ARHGAP31: variants seen among roughly 807,000 people sequenced by gnomAD.
The protein encoded by ARHGAP31 is rho GTPase-activating protein 31.
ARHGAP31 carries 34 observed loss-of-function variants against 113.9 expected under a neutral mutation model. The ratio of observed to expected loss-of-function variants is 0.30; its 90% CI spans 0.23 to 0.40. The LOEUF (loss-of-function observed/expected upper bound fraction) is 0.40, where lower values mean the gene tolerates loss of function less well. Ranked by LOEUF, ARHGAP31 falls within the 10% of genes least tolerant of loss-of-function variation. ARHGAP31 has a pLI of 1.00. For synonymous variants in ARHGAP31, 650 were observed against 684.8 expected (o/e 0.95, Z 0.79); for missense variants, 1,548 against 1,767.1 (o/e 0.88, Z 2.22).
At chr3:119,324,478 A>T (rs769775988) in intron 1 of ARHGAP31, among the ~76,000 whole-genome samples, 5 of 152,220 alleles carry the variant, frequency 3.3e-5, no homozygotes, top group Non-Finnish European at 7.3e-5. Flanking sequence ...TCAGAAAAAT[A>T]AAAAATTAGC....
intron 1 of ARHGAP31, chr3:119,314,307 A>G (rs2079710143): frequency 6.6e-6 from 1 of 152,158 alleles, no homozygotes; most frequent in African/African-American, 2.4e-5. Context: ...TCCTCCAGAG[A>G]AAAAGTTAGG....
At chr3:119,337,301 G>A (rs1025992223) in intron 1 of ARHGAP31, among the ~76,000 whole-genome samples, 3 of 152,106 alleles carry the variant, frequency 2.0e-5, no homozygotes, top group East Asian at 1.9e-4. Flanking sequence ...AGACCTTTGC[G>A]TTGAGTGTTA....
intron 10 of ARHGAP31, among the ~76,000 whole-genome samples, chr3:119,407,705 T>G (rs919269182): frequency 4.6e-5 from 7 of 152,144 alleles, no homozygotes; most frequent in Admixed American, 2.0e-4. Context: ...GAAAGAGGTG[T>G]TGTTAGGTTT....
chr3:119,388,841 T>C (rs1189885935), intron 6 of ARHGAP31, among the ~76,000 whole-genome samples: 1 of 152,006 alleles, frequency 6.6e-6, no homozygotes, highest in Non-Finnish European at 1.5e-5. Context: ...GCAAGCTCTG[T>C]TACAAAATGT....
chr3:119,394,538 T>C (rs1181551918), intron 8 of ARHGAP31, among the ~76,000 whole-genome samples: 1 of 152,092 alleles, frequency 6.6e-6, no homozygotes, highest in Admixed American at 6.5e-5. Context: ...TGATCTTTAG[T>C]GTTATAGATT....
At chr3:119,338,126 A>C (rs1314791393) in intron 1 of ARHGAP31, among the ~76,000 whole-genome samples, 1 of 152,182 alleles carries the variant, frequency 6.6e-6, no homozygotes, top group African/African-American at 2.4e-5. Flanking sequence ...TTTATCCTTT[A>C]ATAAACATGG....
At chr3:119,303,929 G>A (rs989362279) in intron 1 of ARHGAP31, among the ~76,000 whole-genome samples, 14 of 151,702 alleles carry the variant, frequency 9.2e-5, no homozygotes, top group African/African-American at 3.4e-4. Flanking sequence ...CAAGTAACTG[G>A]GATTACAGGC....
At chr3:119,365,256 T>C (rs2080243648) in intron 1 of ARHGAP31, 60 bp from the exon 2 acceptor site, 2 of 1,428,534 alleles carry the variant, frequency 1.4e-6, no homozygotes, top group African/African-American at 2.8e-5. Flanking sequence ...AAGGATATCT[T>C]TAAAAGACAG....
intron 10 of ARHGAP31, among the ~76,000 whole-genome samples, chr3:119,405,486 C>G (rs560815059): frequency 2.4e-4 from 37 of 152,284 alleles, no homozygotes; most frequent in African/African-American, 8.7e-4. Flanking sequence ...AGAAGCCAAG[C>G]AGCTTCCACT....
intron 3 of ARHGAP31, among the ~76,000 whole-genome samples, chr3:119,373,245 A>G (rs1428499334): frequency 6.6e-6 from 1 of 152,230 alleles, no homozygotes; most frequent in African/African-American, 2.4e-5. Context: ...TAAGGAAGCT[A>G]TCAATAAAAA....
At chr3:119,337,242 C>T (rs1367715503) in intron 1 of ARHGAP31, among the ~76,000 whole-genome samples, 2 of 152,190 alleles carry the variant, frequency 1.3e-5, no homozygotes, top group Non-Finnish European at 2.9e-5. Flanking sequence ...TCCAGACTTG[C>T]TTCCTTCTGG....
chr3:119,295,481 T>TG (rs2079525238), intron 1 of ARHGAP31, among the ~76,000 whole-genome samples: 1 of 99,216 alleles, frequency 1.0e-5, no homozygotes, highest in Non-Finnish European at 2.0e-5. Flanking sequence ...AGAAGGCAGT[T>TG]GCGGGTGGGG....
chr3:119,411,118 G>T (rs537746961), intron 11 of ARHGAP31, among the ~76,000 whole-genome samples: 1 of 152,196 alleles, frequency 6.6e-6, no homozygotes, highest in Non-Finnish European at 1.5e-5. Context: ...TGGGAGCAAG[G>T]CTGGGATAGC....
rs139182064 is a variant in ARHGAP31 at position 119,335,858 on chromosome 3, C to A, written c.101-29458C>A. 5.9e-5 allele frequency among the ~76,000 whole-genome samples: 9 copies of A among 152,318 alleles called. No individual in the cohort carries two copies. The East Asian group carries it at 1.4e-3, about 23-fold the overall frequency. On this transcript the variant is annotated intron_variant, in intron 1 of 11. Transcript: ENST00000264245. The stretch of plus-strand genomic sequence containing the variant: ...ACAGCTGCCCGAGTGCACAGGAAAT[C>A]TAGATTCTGGGTTGAGTTTAAAAAC...
chr3:119,307,547 T>G (rs1336601910), intron 1 of ARHGAP31, among the ~76,000 whole-genome samples: 1 of 152,210 alleles, frequency 6.6e-6, no homozygotes, highest in Non-Finnish European at 1.5e-5. Context: ...CTTGGGTGGA[T>G]GTATAAAAAT....
At chr3:119,372,200 G>T (rs1490007481) in intron 3 of ARHGAP31, among the ~76,000 whole-genome samples, 2 of 151,620 alleles carry the variant, frequency 1.3e-5, no homozygotes, top group Non-Finnish European at 2.9e-5. Flanking sequence ...TTCCACAACG[G>T]TTGAATTGAT....
At chr3:119,373,229 T>C (rs1269387183) in intron 3 of ARHGAP31, among the ~76,000 whole-genome samples, 1 of 152,154 alleles carries the variant, frequency 6.6e-6, no homozygotes, top group Non-Finnish European at 1.5e-5. Context: ...TAATGTTCTT[T>C]AATTATAAGG....
At chr3:119,307,939 G>GAAA (rs1559961514) in intron 1 of ARHGAP31, among the ~76,000 whole-genome samples, 1 of 1,648 alleles carries the variant, frequency 6.1e-4, no homozygotes, top group African/African-American at 1.7e-3. Flanking sequence ...TGAATTAACA[G>GAAA]CAAAAAAAAA....
intron 1 of ARHGAP31, among the ~76,000 whole-genome samples, chr3:119,295,834 T>G (rs1231831202): frequency 6.6e-6 from 1 of 152,122 alleles, no homozygotes; most frequent in Non-Finnish European, 1.5e-5. Context: ...GAAAACACCA[T>G]CTAGATTACA....
Sources: gnomAD v4.1 joint callset for allele counts (sites outside exome capture counted in the v4.1 genomes callset) on GRCh38, gnomAD v4.1.1 for gene constraint, MANE v1.5 for transcripts, NCBI Gene and HGNC (gene_info 2026-07-23, HGNC 2026-07-21) for gene names.